FTO: variants seen among roughly 807,000 people sequenced by gnomAD.
FTO encodes alpha-ketoglutarate-dependent dioxygenase FTO.
FTO carries 47 observed loss-of-function variants against 63.9 expected under a neutral mutation model. That is an observed-to-expected ratio of 0.74 (90% CI 0.58 to 0.94). The LOEUF is 0.94. Among genes scored for constraint, FTO ranks in the 40% least tolerant of loss-of-function variants. The probability of loss-of-function intolerance (pLI) is 0.00; values close to 1 mark genes in which losing one functional copy is unlikely to be tolerated. For synonymous variants in FTO, 207 were observed against 224.4 expected (o/e 0.92, Z 0.69); for missense variants, 562 against 618.1 (o/e 0.91, Z 0.96).
intron 4 of FTO, among the ~76,000 whole-genome samples, chr16:53,864,200 A>T (rs1324276752): frequency 6.6e-6 from 1 of 152,198 alleles, no homozygotes; most frequent in African/African-American, 2.4e-5. Context: ...AGCTTCAGTG[A>T]TTGTTTGAAG....
intron 1 of FTO, among the ~76,000 whole-genome samples, chr16:53,745,129 C>T (rs961898685): frequency 6.6e-6 from 1 of 152,052 alleles, no homozygotes; most frequent in African/African-American, 2.4e-5. Context: ...GGTTTAACAC[C>T]CTTTGGATTG....
intron 7 of FTO, among the ~76,000 whole-genome samples, chr16:53,917,823 A>G (rs1328165214): frequency 1.3e-5 from 2 of 151,960 alleles, no homozygotes; most frequent in Admixed American, 1.3e-4. Context: ...AAGACTCTGT[A>G]GACAGTGGCG....
At chr16:53,884,422 A>C (rs2080943314) in intron 6 of FTO, among the ~76,000 whole-genome samples, 1 of 152,156 alleles carries the variant, frequency 6.6e-6, no homozygotes. Context: ...AAGGGCCTTC[A>C]TAGGGTATCT....
At chr16:53,739,519 T>A (rs1195764642) in intron 1 of FTO, among the ~76,000 whole-genome samples, 1 of 152,120 alleles carries the variant, frequency 6.6e-6, no homozygotes, top group Non-Finnish European at 1.5e-5. Flanking sequence ...TGGCCTACTA[T>A]TACTTTTTAG....
At chr16:53,852,623 A>G (rs77423723) in intron 4 of FTO, among the ~76,000 whole-genome samples, 6,296 of 152,286 alleles carry the variant, frequency 0.041, 501 homozygotes, top group East Asian at 0.37. Flanking sequence ...AATGAGATAG[A>G]GTGATGGAAT....
At chr16:53,849,779 C>G (rs947053308) in intron 4 of FTO, among the ~76,000 whole-genome samples, 1 of 152,206 alleles carries the variant, frequency 6.6e-6, no homozygotes, top group Non-Finnish European at 1.5e-5. Context: ...GTCTGTAGCC[C>G]TGTGAGCAGG....
chr16:53,834,319 C>T lies in FTO; in HGVS notation c.751+7828C>T, dbSNP rs114683042. On this transcript the variant is annotated intron_variant, in intron 3 of 8. Coordinates refer to ENST00000471389, the MANE Select transcript of FTO (RefSeq NM_001080432.3). ...GATTATAGGCGTGAGCCACCGCGCCCGGCCTGAACTTTTGATGATATATTA... is the reference window on the plus strand; with the variant it reads ...GATTATAGGCGTGAGCCACCGCGCCTGGCCTGAACTTTTGATGATATATTA... 7.4e-3 allele frequency among the ~76,000 whole-genome samples: 1,127 copies of T among 152,212 alleles called. 10 individuals are homozygous for T. Among genetic ancestry groups the T allele is most frequent in the African/African-American group, 0.025 (1,054 of 41,530 alleles).
chr16:53,880,782 C>T (rs879452028), intron 6 of FTO, among the ~76,000 whole-genome samples: 1 of 151,850 alleles, frequency 6.6e-6, no homozygotes, highest in African/African-American at 2.4e-5. Flanking sequence ...GCCATTGCCT[C>T]GGATGTTAGG....
intron 8 of FTO, among the ~76,000 whole-genome samples, chr16:54,044,678 C>A (rs1452845393): frequency 1.7e-5 from 1 of 58,590 alleles, no homozygotes; most frequent in South Asian, 7.2e-4. Context: ...CCACACCACA[C>A]CTATTCCAAA....
At chr16:54,060,781 G>T (rs1343226230) in intron 8 of FTO, among the ~76,000 whole-genome samples, 2 of 152,134 alleles carry the variant, frequency 1.3e-5, no homozygotes, top group African/African-American at 4.8e-5. Flanking sequence ...GAGGTATTTT[G>T]TTTGGTCTAT....
intron 7 of FTO, among the ~76,000 whole-genome samples, chr16:53,911,965 G>A (rs892854548): frequency 1.3e-5 from 2 of 152,204 alleles, no homozygotes; most frequent in Non-Finnish European, 2.9e-5. Flanking sequence ...TAAAGTTGTG[G>A]TAGTATTTGT....
At chr16:53,747,961 C>T (rs553740152) in intron 1 of FTO, among the ~76,000 whole-genome samples, 1 of 152,196 alleles carries the variant, frequency 6.6e-6, no homozygotes, top group Non-Finnish European at 1.5e-5. Flanking sequence ...GTTTGTCAAA[C>T]CCACATACAT....
chr16:53,950,219 T>C (rs1043482852), intron 8 of FTO, among the ~76,000 whole-genome samples: 28 of 145,510 alleles, frequency 1.9e-4, no homozygotes, highest in Admixed American at 1.6e-3. Context: ...CAGGTGCTAT[T>C]TTAATTATGA....
intron 5 of FTO, among the ~76,000 whole-genome samples, chr16:53,876,847 A>C (rs1023996753): frequency 6.6e-6 from 1 of 152,208 alleles, no homozygotes; most frequent in African/African-American, 2.4e-5. Context: ...GAATCGCTTA[A>C]ACCTGGGAGG....
chr16:53,961,363 G>C (rs1450655328), intron 8 of FTO, among the ~76,000 whole-genome samples: 2 of 152,174 alleles, frequency 1.3e-5, no homozygotes, highest in Non-Finnish European at 2.9e-5. Flanking sequence ...TCCAGTGCTG[G>C]AGATAAAATG....
chr16:53,900,827 G>A (rs1331056232), intron 7 of FTO, among the ~76,000 whole-genome samples: 3 of 152,052 alleles, frequency 2.0e-5, no homozygotes, highest in Non-Finnish European at 4.4e-5. Context: ...CAGGGCCATC[G>A]CAGTGGGAAA....
chr16:53,752,298 A>G (rs1031203876), intron 1 of FTO, among the ~76,000 whole-genome samples: 3 of 152,170 alleles, frequency 2.0e-5, no homozygotes, highest in Non-Finnish European at 4.4e-5. Context: ...GATTGGGCTG[A>G]TCTAGTAATA....
chr16:54,028,785 A>T (rs1395678880), intron 8 of FTO, among the ~76,000 whole-genome samples: 36 of 152,174 alleles, frequency 2.4e-4, no homozygotes. Context: ...CATATTATGT[A>T]GTACTCATTA....
intron 8 of FTO, among the ~76,000 whole-genome samples, chr16:53,939,165 T>C (rs1454219487): frequency 6.6e-6 from 1 of 152,162 alleles, no homozygotes; most frequent in Non-Finnish European, 1.5e-5. Flanking sequence ...ACAATAATTA[T>C]GTTAAAAAAT....
Sources: gnomAD v4.1 joint callset for allele counts (sites outside exome capture counted in the v4.1 genomes callset) on GRCh38, gnomAD v4.1.1 for gene constraint, MANE v1.5 for transcripts, NCBI Gene and HGNC (gene_info 2026-07-23, HGNC 2026-07-21) for gene names.